EPB41L4A: variants seen among roughly 807,000 people sequenced by gnomAD.
EPB41L4A encodes the protein band 4.1-like protein 4A.
EPB41L4A carries 100 observed loss-of-function variants against 108.6 expected under a neutral mutation model. That is an observed-to-expected ratio of 0.92 (90% CI 0.78 to 1.09). EPB41L4A has a LOEUF of 1.09. Ranked by LOEUF, EPB41L4A falls within the 50% of genes least tolerant of loss-of-function variation. EPB41L4A has a pLI of 0.00. For synonymous variants in EPB41L4A, 319 were observed against 289.0 expected (o/e 1.10, Z -1.05); for missense variants, 1,030 against 842.7 (o/e 1.22, Z -2.75).
chr5:112,153,242 G>C (rs1759533928), intron 12 of EPB41L4A, among the ~76,000 whole-genome samples: 1 of 145,556 alleles, frequency 6.9e-6, no homozygotes, highest in Non-Finnish European at 1.5e-5. Flanking sequence ...AAAAGAAAAA[G>C]AGGCCGGGCA....
At chr5:112,253,435 A>G (rs1750836473) in intron 9 of EPB41L4A, among the ~76,000 whole-genome samples, 1 of 152,226 alleles carries the variant, frequency 6.6e-6, no homozygotes, top group Non-Finnish European at 1.5e-5. Flanking sequence ...AAAAAATGCT[A>G]TGAAAGTGTT....
chr5:112,348,434 CT>C (rs1757826428), intron 1 of EPB41L4A, among the ~76,000 whole-genome samples: 1 of 152,078 alleles, frequency 6.6e-6, no homozygotes, highest in Non-Finnish European at 1.5e-5. Context: ...TAGCCAAAAC[CT>C]ACTTTATGGG....
chr5:112,339,609 C>T (rs1757178244), intron 1 of EPB41L4A, among the ~76,000 whole-genome samples: 1 of 150,668 alleles, frequency 6.6e-6, no homozygotes, highest in African/African-American at 2.4e-5. Context: ...TATCGGCTCA[C>T]TGCAACCTCT....
intron 12 of EPB41L4A, among the ~76,000 whole-genome samples, chr5:112,157,414 A>G (rs550384805): frequency 6.6e-6 from 1 of 152,232 alleles, no homozygotes; most frequent in Non-Finnish European, 1.5e-5. Context: ...TCTACCCCTT[A>G]TAGGTTATAT....
chr5:112,309,787 G>GA (rs35291975), intron 1 of EPB41L4A, among the ~76,000 whole-genome samples: 1 of 152,170 alleles, frequency 6.6e-6, no homozygotes, highest in Non-Finnish European at 1.5e-5. Flanking sequence ...AAAGCAGGGG[G>GA]AAAGTCAACT....
chr5:112,230,229 C>T (rs1305753942), intron 12 of EPB41L4A, among the ~76,000 whole-genome samples: 2 of 152,006 alleles, frequency 1.3e-5, no homozygotes, highest in Non-Finnish European at 2.9e-5. Context: ...GACTTCTTTT[C>T]CTCTGGGCAG....
At chr5:112,272,790 A>AAC (rs1333007987) in intron 4 of EPB41L4A, among the ~76,000 whole-genome samples, 1 of 151,428 alleles carries the variant, frequency 6.6e-6, no homozygotes, top group Non-Finnish European at 1.5e-5. Flanking sequence ...TCAAAAAAAA[A>AAC]AAAAAAAAAG....
intron 10 of EPB41L4A, 90 bp downstream of exon 10, chr5:112,240,629 A>C (rs567870514): frequency 1.0e-3 from 726 of 715,008 alleles, no homozygotes; most frequent in Admixed American, 3.2e-3. Flanking sequence ...AAACAATTCC[A>C]AATTTCTGTT....
At chr5:112,243,291 A>T (rs199898614) in intron 9 of EPB41L4A, among the ~76,000 whole-genome samples, 44,719 of 148,492 alleles carry the variant, frequency 0.3, 7,350 homozygotes, top group Non-Finnish European at 0.37. Flanking sequence ...ATATATATAT[A>T]TTTTGTTTGT....
chr5:112,384,907 T>C (rs1042657525), intron 1 of EPB41L4A, among the ~76,000 whole-genome samples: 8 of 152,182 alleles, frequency 5.3e-5, no homozygotes, highest in African/African-American at 9.7e-5. Flanking sequence ...GGAAAGATAA[T>C]GCAAAGAGAG....
chr5:112,254,878 A>T (rs1165250585), intron 9 of EPB41L4A, among the ~76,000 whole-genome samples: 1 of 149,516 alleles, frequency 6.7e-6, no homozygotes, highest in Non-Finnish European at 1.5e-5. Context: ...AAACCCCCTC[A>T]CTCCTCAGTC....
In EPB41L4A at chr5:112,164,767, G is replaced by A; in HGVS notation, c.*223C>T. 1 of 336,750 alleles carries A rather than the reference G, an allele frequency of 3.0e-6. No individual in the cohort carries two copies. The highest frequency in any genetic ancestry group is 2.2e-5 in the African/African-American group (1 of 45,988). The allele number at this position is 336,750 out of a possible 1,614,324, so 20.9% of individuals were successfully genotyped here. On this transcript the variant is annotated 3_prime_UTR_variant, in exon 23 of 23. Coordinates refer to ENST00000261486, the MANE Select transcript of EPB41L4A (RefSeq NM_022140.5). ...GGAGAATCGCTTAACCCAGTAAGTG[G>A]AGGCTGCGGTGAGCTGACACGGTGC...
downstream of EPB41L4A, chr5:112,142,365 C>A (rs1759100439): frequency 6.6e-6 from 1 of 152,150 alleles, no homozygotes; most frequent in South Asian, 2.1e-4. Context: ...TTAAGAACTT[C>A]CTAGGTACTG....
chr5:112,309,995 T>TC (rs1163894952), intron 1 of EPB41L4A, among the ~76,000 whole-genome samples: 1 of 152,148 alleles, frequency 6.6e-6, no homozygotes, highest in African/African-American at 2.4e-5. Flanking sequence ...AGTCGATTCT[T>TC]CCCCATCATC....
chr5:112,149,877 G>A (rs1372410794), intron 12 of EPB41L4A, among the ~76,000 whole-genome samples: 1 of 152,160 alleles, frequency 6.6e-6, no homozygotes, highest in African/African-American at 2.4e-5. Context: ...TATTGCTTAG[G>A]CTTCATAGGG....
chr5:112,393,753 A>G (rs931569934), intron 1 of EPB41L4A, among the ~76,000 whole-genome samples: 10 of 152,218 alleles, frequency 6.6e-5, no homozygotes, highest in African/African-American at 1.7e-4. Context: ...GGCCAGCATC[A>G]TCCTGATACC....
intron 1 of EPB41L4A, among the ~76,000 whole-genome samples, chr5:112,395,453 C>T (rs1183930811): frequency 1.3e-5 from 2 of 152,180 alleles, no homozygotes. Flanking sequence ...ACAGACGCTT[C>T]TCAAAAGAAG....
intron 1 of EPB41L4A, among the ~76,000 whole-genome samples, chr5:112,361,417 A>G (rs1354279967): frequency 2.0e-5 from 3 of 152,116 alleles, no homozygotes; most frequent in African/African-American, 7.2e-5. Flanking sequence ...GGAAAACCAG[A>G]GACCTTTGTT....
chr5:112,191,328 C>G (rs1459011597), intron 17 of EPB41L4A, among the ~76,000 whole-genome samples: 1 of 152,174 alleles, frequency 6.6e-6, no homozygotes, highest in African/African-American at 2.4e-5. Flanking sequence ...CTTGTTAGCT[C>G]TGGACCCAAA....
Sources: gnomAD v4.1 joint callset for allele counts (sites outside exome capture counted in the v4.1 genomes callset) on GRCh38, gnomAD v4.1.1 for gene constraint, MANE v1.5 for transcripts, NCBI Gene and HGNC (gene_info 2026-07-23, HGNC 2026-07-21) for gene names.